The following GAS7 variants were observed in gnomAD, a reference collection of about 807,000 sequenced individuals.
The protein encoded by GAS7 is growth arrest specific 7.
GAS7 carries 28 observed loss-of-function variants against 71.1 expected under a neutral mutation model. That is an observed-to-expected ratio of 0.39 (90% confidence interval 0.29 to 0.54). The LOEUF (loss-of-function observed/expected upper bound fraction) is 0.54, where lower values mean the gene tolerates loss of function less well. GAS7 is among the 20% of genes least tolerant of loss of function. The pLI is 0.62. For missense variants in GAS7, 436 were observed against 627.8 expected (o/e 0.69, Z 3.27); for synonymous variants, 258 against 245.8 (o/e 1.05, Z -0.46).
At chr17:10,014,416 A>G (rs2071908031) in intron 2 of GAS7, among the ~76,000 whole-genome samples, 1 of 152,088 alleles carries the variant, frequency 6.6e-6, no homozygotes, top group African/African-American at 2.4e-5. Context: ...TGATCATGTC[A>G]CGCCACCGCC....
chr17:10,087,871 G>C (rs903056031), intron 1 of GAS7, among the ~76,000 whole-genome samples: 1 of 152,056 alleles, frequency 6.6e-6, no homozygotes, highest in African/African-American at 2.4e-5. Context: ...GAGACCCCAA[G>C]AGCAGAGGAG....
At chr17:10,022,738 T>A (rs1204580073) in intron 1 of GAS7, among the ~76,000 whole-genome samples, 1 of 152,202 alleles carries the variant, frequency 6.6e-6, no homozygotes, top group Non-Finnish European at 1.5e-5. Flanking sequence ...CTTCACACAG[T>A]CCGTCTACGG....
intron 6 of GAS7, among the ~76,000 whole-genome samples, chr17:9,944,351 G>C (rs763618542): frequency 3.9e-5 from 6 of 152,158 alleles, no homozygotes; most frequent in Non-Finnish European, 7.3e-5. Context: ...TGATATCCCA[G>C]AGAGAGAGGT....
intron 1 of GAS7, among the ~76,000 whole-genome samples, chr17:10,105,188 G>A (rs912692764): frequency 5.3e-5 from 8 of 152,120 alleles, no homozygotes; most frequent in Admixed American, 3.9e-4. Context: ...ATTCCTACCC[G>A]ACGCCGTTGG....
At chr17:9,966,981 A>G (rs982567716) in intron 4 of GAS7, among the ~76,000 whole-genome samples, 1 of 152,174 alleles carries the variant, frequency 6.6e-6, no homozygotes, top group Non-Finnish European at 1.5e-5. Flanking sequence ...ACTGGTGAAC[A>G]ACGCACGTTC....
Position 9,917,191 on chromosome 17 carries a change from C to G in GAS7, c.*37G>C, listed in dbSNP as rs374655759. The G allele has an allele frequency of 1.6e-6, 2 of 1,252,368 alleles. No individual in the cohort carries two copies. Among genetic ancestry groups the G allele is most frequent in the Non-Finnish European group, 2.4e-6 (2 of 849,874 alleles). The allele number at this position is 1,252,368 out of a possible 1,614,324, so 77.6% of individuals were successfully genotyped here. A position where few individuals can be genotyped will look rare whatever the true frequency, so the allele number is the denominator to read the frequency against. ...GCCCCATGGTGGGAGCCCAGCCCCCCTCCCCAGCAGGACCCCCCGAAGCTG... is the reference window on the plus strand; with the variant it reads ...GCCCCATGGTGGGAGCCCAGCCCCCGTCCCCAGCAGGACCCCCCGAAGCTG... On this transcript the variant is annotated 3_prime_UTR_variant, in exon 14 of 14. Transcript: ENST00000432992.
At chr17:10,004,368 A>G (rs2071385835) in intron 2 of GAS7, among the ~76,000 whole-genome samples, 1 of 152,152 alleles carries the variant, frequency 6.6e-6, no homozygotes, top group Admixed American at 6.5e-5. Flanking sequence ...ATTTCAATGC[A>G]TACTAGGAGT....
At chr17:10,005,227 ATGTG>A (rs1196742854) in intron 2 of GAS7, among the ~76,000 whole-genome samples, 5 of 93,646 alleles carry the variant, frequency 5.3e-5, no homozygotes, top group African/African-American at 1.8e-4. Context: ...GTGTGCATGT[ATGTG>A]TATGTGCGCG....
At chr17:10,194,119 G>A (rs1229027627) in intron 1 of GAS7, among the ~76,000 whole-genome samples, 1 of 152,166 alleles carries the variant, frequency 6.6e-6, no homozygotes, top group East Asian at 1.9e-4. Context: ...AGCAAACAGT[G>A]TCATATTCTG....
chr17:10,029,520 T>A (rs2072558183), intron 1 of GAS7, among the ~76,000 whole-genome samples: 1 of 152,074 alleles, frequency 6.6e-6, no homozygotes. Context: ...ATATATACTG[T>A]AAAAAAATGA....
chr17:10,028,076 C>T (rs1218548479), intron 1 of GAS7, among the ~76,000 whole-genome samples: 1 of 152,094 alleles, frequency 6.6e-6, no homozygotes, highest in Non-Finnish European at 1.5e-5. Context: ...TTGTTTTGTT[C>T]TGCTTTTTAG....
rs1335437753 is a variant in GAS7, at chr17:9,950,739, C to T, written c.526-3756G>A. Among the ~76,000 whole-genome samples, 4 of 151,964 alleles carry T rather than the reference C, an allele frequency of 2.6e-5. No individual in the cohort carries two copies. The East Asian group carries it at 7.7e-4, about 29-fold the overall frequency. On this transcript the variant is annotated intron_variant, in intron 5 of 13. Transcript: ENST00000432992. ...GGCATGGTGGTGGGCGCCTGTAATC[C>T]CAGCTACTCGAGAGGCTGAGGCAGG... is the stretch of plus-strand genomic sequence containing the variant.
chr17:10,062,916 G>A (rs1017390067), intron 1 of GAS7, among the ~76,000 whole-genome samples: 2 of 152,208 alleles, frequency 1.3e-5, no homozygotes, highest in African/African-American at 4.8e-5. Flanking sequence ...CCTGCACCAC[G>A]TGAGTGAGGC....
intron 6 of GAS7, among the ~76,000 whole-genome samples, chr17:9,944,146 A>G (rs1226046350): frequency 6.6e-6 from 1 of 152,150 alleles, no homozygotes; most frequent in African/African-American, 2.4e-5. Context: ...AAGCATACCA[A>G]ATGCCCCTTC....
At chr17:9,935,039 T>C (rs936469566) in intron 8 of GAS7, among the ~76,000 whole-genome samples, 4 of 152,192 alleles carry the variant, frequency 2.6e-5, no homozygotes, top group Admixed American at 1.3e-4. Flanking sequence ...TAAGCCACCA[T>C]GCCCAGCCGG....
chr17:10,182,263 G>A (rs2074422311), intron 1 of GAS7, among the ~76,000 whole-genome samples: 2 of 152,062 alleles, frequency 1.3e-5, no homozygotes, highest in African/African-American at 2.4e-5. Flanking sequence ...GGGTTCAAGC[G>A]ATTCTCCTGC....
At chr17:10,122,040 A>G (rs2073908599) in intron 1 of GAS7, among the ~76,000 whole-genome samples, 1 of 152,198 alleles carries the variant, frequency 6.6e-6, no homozygotes. Context: ...TACAACTTCC[A>G]CACTCAAACG....
At chr17:10,039,832 G>GGCAC in intron 1 of GAS7, 1 of 442,640 alleles carries the variant, frequency 2.3e-6, no homozygotes, top group Non-Finnish European at 4.5e-6. Context: ...TTAGGGGTGT[G>GGCAC]GCACCCTCTG....
chr17:10,027,384 G>A (rs2152215543), intron 1 of GAS7, among the ~76,000 whole-genome samples: 1 of 152,310 alleles, frequency 6.6e-6, no homozygotes, highest in African/African-American at 2.4e-5. Context: ...CCCCATCTGT[G>A]AACAAATCCC....
Sources: gnomAD v4.1 joint callset for allele counts (sites outside exome capture counted in the v4.1 genomes callset) on GRCh38, gnomAD v4.1.1 for gene constraint, MANE v1.5 for transcripts, NCBI Gene and HGNC (gene_info 2026-07-23, HGNC 2026-07-21) for gene names.